ATAD1: variants seen among roughly 807,000 people sequenced by gnomAD.
ATAD1 encodes ATPase family AAA domain containing 1.
ATAD1 carries 18 observed loss-of-function variants against 42.7 expected under a neutral mutation model. The ratio of observed to expected loss-of-function variants is 0.42; its 90% CI spans 0.29 to 0.63. The LOEUF (loss-of-function observed/expected upper bound fraction) is 0.63. Among genes scored for constraint, ATAD1 ranks in the 20% least tolerant of loss-of-function variants. The pLI is 0.19. For synonymous variants in ATAD1, 132 were observed against 143.1 expected (o/e 0.92, Z 0.55); for missense variants, 294 against 440.4 (o/e 0.67, Z 2.98).
rs527525718 is a variant in ATAD1, at chr10:87,790,202, G to A, written c.382+108C>T. On this transcript the variant is annotated intron_variant, in intron 4 of 9. Coordinates refer to ENST00000680024, the MANE Select transcript of ATAD1 (RefSeq NM_001321967.2). ...TAAGAAACTGTTCACATAGATCTCA[G>A]CATCCTCTTGAGAATCTGATTTCAC... 18 of 1,288,446 alleles carry A rather than the reference G, an allele frequency of 1.4e-5. No individual in the cohort carries two copies. The East Asian group carries it at 3.7e-4, about 26-fold the overall frequency. The allele number at this position is 1,288,446 out of a possible 1,614,324, so 79.8% of individuals were successfully genotyped here. A position where few individuals can be genotyped will look rare whatever the true frequency, so the allele number is the denominator to read the frequency against.
chr10:87,816,768 T>C (rs1857435156), intron 1 of ATAD1, among the ~76,000 whole-genome samples: 2 of 152,196 alleles, frequency 1.3e-5, no homozygotes, highest in African/African-American at 4.8e-5. Context: ...AGTTGAAACG[T>C]GTTATATCAC....
chr10:87,820,093 A>C (rs1857602486), upstream of ATAD1, among the ~76,000 whole-genome samples: 1 of 152,158 alleles, frequency 6.6e-6, no homozygotes, highest in South Asian at 2.1e-4. Context: ...GTTCATTAAA[A>C]ACAAACAACA....
intron 2 of ATAD1, among the ~76,000 whole-genome samples, chr10:87,810,574 A>C (rs1322729441): frequency 6.6e-6 from 1 of 152,114 alleles, no homozygotes; most frequent in African/African-American, 2.4e-5. Context: ...TGGTGAATTG[A>C]ATCTTTCATC....
In ATAD1 at chr10:87,815,755, T is replaced by G. The variant is rs569883580; in HGVS notation, c.-13-1143A>C. 5.9e-5 allele frequency among the ~76,000 whole-genome samples: 9 copies of G among 152,222 alleles called. No homozygotes were observed. In the South Asian group the frequency reaches 1.2e-3, roughly 21 times the overall value. On this transcript the variant is annotated intron_variant, in intron 1 of 9. Coordinates refer to ENST00000680024, the MANE Select transcript of ATAD1 (RefSeq NM_001321967.2). ...CACTCAAGGATATATACTCCTTCTC[T>G]CTAATCAAAAGACCCCAAAGTATTT... is the stretch of plus-strand genomic sequence containing the variant.
At chr10:87,762,770 A>G (rs1324493660) in intron 8 of ATAD1, among the ~76,000 whole-genome samples, 1 of 151,644 alleles carries the variant, frequency 6.6e-6, no homozygotes, top group African/African-American at 2.4e-5. Flanking sequence ...AGCAGTTATC[A>G]AAAATTCAAT....
chr10:87,754,843 A>C (rs760324513), intron 9 of ATAD1, 36 bp from the exon 10 acceptor site: 17 of 1,593,572 alleles, frequency 1.1e-5, no homozygotes, highest in Middle Eastern at 1.7e-4. Flanking sequence ...TACTCAAATA[A>C]CTTTAGAATA....
At chr10:87,808,518 C>T (rs1589549006) in intron 2 of ATAD1, among the ~76,000 whole-genome samples, 1 of 152,152 alleles carries the variant, frequency 6.6e-6, no homozygotes, top group South Asian at 2.1e-4. Flanking sequence ...CCACTGCACT[C>T]CAGCCTGGGC....
At chr10:87,756,019 T>G (rs773893999) in intron 9 of ATAD1, among the ~76,000 whole-genome samples, 16 of 152,372 alleles carry the variant, frequency 1.1e-4, no homozygotes, top group Non-Finnish European at 1.9e-4. Context: ...CAGACCTTTC[T>G]ATATCAAAGC....
Position 87,811,777 on chromosome 10 carries a change from T to C in ATAD1, c.162+2661A>G, listed in dbSNP as rs149454079. Among the ~76,000 whole-genome samples the C allele has an allele frequency of 2.9e-3, 436 of 152,290 alleles. 1 individual carries two copies. Among genetic ancestry groups the C allele is most frequent in the Non-Finnish European group, 4.6e-3 (311 of 68,024 alleles). On this transcript the variant is annotated intron_variant, in intron 2 of 9. Transcript: ENST00000680024. ...ATCGATAAGGAAATATACCTCTGGA[T>C]TGACCTTTTTTCTGAGATTCAGACC...
intron 4 of ATAD1, among the ~76,000 whole-genome samples, chr10:87,785,773 T>C (rs1180661143): frequency 6.6e-6 from 1 of 151,872 alleles, no homozygotes; most frequent in Admixed American, 6.6e-5. Context: ...ACTCTAGCAA[T>C]TTTATTTTTC....
At chr10:87,817,166 A>G (rs1022002770) in intron 1 of ATAD1, among the ~76,000 whole-genome samples, 1 of 152,236 alleles carries the variant, frequency 6.6e-6, no homozygotes, top group Non-Finnish European at 1.5e-5. Flanking sequence ...TGTAGACTGT[A>G]ACTATATATA....
At chr10:87,817,406 C>G (rs894309125) in intron 1 of ATAD1, among the ~76,000 whole-genome samples, 1 of 152,216 alleles carries the variant, frequency 6.6e-6, no homozygotes, top group Non-Finnish European at 1.5e-5. Flanking sequence ...TCCTAAAACA[C>G]TATAACCTAG....
At chr10:87,776,513 G>T in intron 5 of ATAD1, 86 bp from the exon 6 acceptor site, 2 of 1,107,102 alleles carry the variant, frequency 1.8e-6, no homozygotes, top group Non-Finnish European at 2.7e-6. Flanking sequence ...CTGTTGCCCA[G>T]GCTGGGGTGC....
chr10:87,834,261 T>C (rs548884574), intron 1 of ATAD1, among the ~76,000 whole-genome samples: 2 of 152,308 alleles, frequency 1.3e-5, no homozygotes, highest in African/African-American at 4.8e-5. Context: ...TCTTGTCCTG[T>C]CTTTGTCTGG....
At chr10:87,823,325 A>C (rs555404794) in intron 1 of ATAD1, among the ~76,000 whole-genome samples, 64 of 152,318 alleles carry the variant, frequency 4.2e-4, no homozygotes, top group Non-Finnish European at 8.7e-4. Context: ...CTACCAAAAA[A>C]TGTTTTCTAG....
intron 6 of ATAD1, 93 bp from the exon 7 acceptor site, chr10:87,771,134 G>A: frequency 1.2e-6 from 1 of 828,684 alleles, no homozygotes; most frequent in Non-Finnish European, 1.9e-6. Context: ...AAATTAAGTG[G>A]TATTTTAACT....
chr10:87,799,331 T>C (rs1156698392), intron 2 of ATAD1, among the ~76,000 whole-genome samples: 7 of 152,172 alleles, frequency 4.6e-5, no homozygotes, highest in Non-Finnish European at 5.9e-5. Context: ...AAATAAGACA[T>C]TGATATTGGT....
At chr10:87,797,516 C>G (rs1034166259) in intron 2 of ATAD1, among the ~76,000 whole-genome samples, 1 of 152,116 alleles carries the variant, frequency 6.6e-6, no homozygotes, top group Non-Finnish European at 1.5e-5. Context: ...AACAAAGACA[C>G]CACTCACCCC....
At chr10:87,780,453 A>C (rs928749453) in intron 5 of ATAD1, among the ~76,000 whole-genome samples, 6 of 152,232 alleles carry the variant, frequency 3.9e-5, no homozygotes, top group African/African-American at 4.8e-5. Flanking sequence ...ACAATGTATC[A>C]ATACTGGTTC....
Sources: gnomAD v4.1 joint callset for allele counts (sites outside exome capture counted in the v4.1 genomes callset) on GRCh38, gnomAD v4.1.1 for gene constraint, MANE v1.5 for transcripts, NCBI Gene and HGNC (gene_info 2026-07-23, HGNC 2026-07-21) for gene names.